BCKDHB: variants seen among roughly 807,000 people sequenced by gnomAD.
BCKDHB encodes the protein branched chain keto acid dehydrogenase E1 subunit beta.
A neutral mutation model predicts 48.5 loss-of-function variants in BCKDHB; 41 were observed. The observed-to-expected ratio is 0.85, with a 90% CI of 0.66 to 1.10. BCKDHB has a LOEUF of 1.10. Among genes scored for constraint, BCKDHB ranks in the 50% least tolerant of loss-of-function variants. BCKDHB has a pLI of 0.00. For missense variants in BCKDHB, 496 were observed against 494.2 expected (o/e 1.00, Z -0.03); for synonymous variants, 201 against 174.8 (o/e 1.15, Z -1.18).
chr6:80,203,290 T>G, intron 8 of BCKDHB, 78 bp downstream of exon 8: 1 of 1,062,906 alleles, frequency 9.4e-7, no homozygotes, highest in Non-Finnish European at 1.5e-6. Flanking sequence ...AAATAATTCT[T>G]TTGAAATTGT....
intron 8 of BCKDHB, among the ~76,000 whole-genome samples, chr6:80,222,310 T>A (rs575326614): frequency 6.6e-6 from 1 of 152,308 alleles, no homozygotes; most frequent in Admixed American, 6.5e-5. Flanking sequence ...ACATGATTAA[T>A]GTTATTGCAA....
chr6:80,429,801 C>T, the BCKDHB span, among the ~76,000 whole-genome samples: 1 of 152,288 alleles, frequency 6.6e-6, no homozygotes, highest in South Asian at 2.1e-4. Context: ...ATGATCATGT[C>T]ATCTACAAAC....
At chr6:80,370,031 T>A in the BCKDHB span, among the ~76,000 whole-genome samples, 10 of 152,184 alleles carry the variant, frequency 6.6e-5, no homozygotes, top group Admixed American at 5.9e-4. Flanking sequence ...TCAAAGCCAA[T>A]AAAGTAGTAT....
At chr6:80,204,759 C>T (rs1774561019) in intron 8 of BCKDHB, among the ~76,000 whole-genome samples, 1 of 151,978 alleles carries the variant, frequency 6.6e-6, no homozygotes, top group African/African-American at 2.4e-5. Flanking sequence ...ATTTTGGCAA[C>T]CGTGGAAGCA....
the BCKDHB span, among the ~76,000 whole-genome samples, chr6:80,423,059 C>T: frequency 6.6e-6 from 1 of 152,112 alleles, no homozygotes; most frequent in East Asian, 1.9e-4. Context: ...TTGTAATCCC[C>T]ACATGTCGAG....
At chr6:80,433,320 C>A in the BCKDHB span, among the ~76,000 whole-genome samples, 3 of 152,138 alleles carry the variant, frequency 2.0e-5, no homozygotes, top group Non-Finnish European at 2.9e-5. Flanking sequence ...TTTTTAAGTC[C>A]CCAACTGGGG....
At chr6:80,255,933 G>T (rs932092744) in intron 8 of BCKDHB, among the ~76,000 whole-genome samples, 9 of 152,128 alleles carry the variant, frequency 5.9e-5, no homozygotes, top group African/African-American at 2.2e-4. Flanking sequence ...TTGACTACTG[G>T]TTCCTGGTGG....
At position 80,262,899 on chromosome 6, in the gene BCKDHB, T is replaced by G. The variant is rs190665988; in HGVS notation, c.952-10236T>G. ...TTCTGGTATAATAGACAGAAACATG[T>G]TACTGTTATAGTCCTTGTCAATGAA... On this transcript the variant is annotated intron_variant, in intron 8 of 9. Transcript: ENST00000320393. 1.6e-3 allele frequency among the ~76,000 whole-genome samples: 246 copies of G among 152,282 alleles called. 1 individual carries two copies. The highest frequency in any genetic ancestry group is 2.9e-3 in the Non-Finnish European group (198 of 68,014).
Position 80,129,684 on chromosome 6 carries a change from AACT to A in BCKDHB, c.343+456_343+458del, listed in dbSNP as rs549234045. 1.7e-3 allele frequency among the ~76,000 whole-genome samples: 263 copies of A among 152,184 alleles called. 1 individual carries two copies. The highest frequency in any genetic ancestry group is 6.0e-3 in the African/African-American group (249 of 41,534). On this transcript the variant is annotated intron_variant, in intron 3 of 9. Coordinates refer to ENST00000320393, the MANE Select transcript of BCKDHB (RefSeq NM_183050.4). ...GGCTCATGTGAGTTTAGTTTTAAGG[AACT>A]GGCTGGCAAGTCCATAGGGCAAACT...
chr6:80,229,917 G>A (rs576990152), intron 8 of BCKDHB, among the ~76,000 whole-genome samples: 17 of 151,194 alleles, frequency 1.1e-4, no homozygotes, highest in Non-Finnish European at 1.8e-4. Context: ...TCTTAGGAAG[G>A]CTGTTAAAAT....
At chr6:80,230,572 G>T (rs886477877) in intron 8 of BCKDHB, among the ~76,000 whole-genome samples, 1 of 152,166 alleles carries the variant, frequency 6.6e-6, no homozygotes, top group Non-Finnish European at 1.5e-5. Flanking sequence ...TATATGGTCT[G>T]TCTTAATTAT....
At chr6:80,229,409 A>T (rs1404283643) in intron 8 of BCKDHB, among the ~76,000 whole-genome samples, 2 of 152,206 alleles carry the variant, frequency 1.3e-5, no homozygotes, top group Non-Finnish European at 2.9e-5. Context: ...TAGCATGTGC[A>T]AAAGGCCTGA....
At chr6:80,144,147 T>C (rs1372671312) in intron 3 of BCKDHB, among the ~76,000 whole-genome samples, 1 of 152,164 alleles carries the variant, frequency 6.6e-6, no homozygotes, top group African/African-American at 2.4e-5. Context: ...ATCTTAATTC[T>C]GTATTCAACG....
intron 9 of BCKDHB, among the ~76,000 whole-genome samples, chr6:80,309,093 C>T (rs552201245): frequency 3.3e-5 from 5 of 150,658 alleles, no homozygotes; most frequent in South Asian, 2.1e-4. Context: ...GACGGAGTCT[C>T]GCTTTTGCCA....
At chr6:80,358,197 A>G in the BCKDHB span, among the ~76,000 whole-genome samples, 3 of 151,876 alleles carry the variant, frequency 2.0e-5, no homozygotes, top group Admixed American at 6.6e-5. Flanking sequence ...ATGTTGGCCA[A>G]CTATTTCTTT....
At chr6:80,317,255 A>G (rs562045696) in intron 9 of BCKDHB, among the ~76,000 whole-genome samples, 3 of 152,250 alleles carry the variant, frequency 2.0e-5, no homozygotes, top group African/African-American at 7.2e-5. Flanking sequence ...TAAAGGGTAC[A>G]CCCCCAACTT....
At chr6:80,176,793 T>C (rs1237946791) in intron 6 of BCKDHB, among the ~76,000 whole-genome samples, 4 of 152,140 alleles carry the variant, frequency 2.6e-5, no homozygotes, top group Non-Finnish European at 5.9e-5. Context: ...CTGGAGTCAC[T>C]TCAACTTAGG....
intron 8 of BCKDHB, among the ~76,000 whole-genome samples, chr6:80,244,794 G>A (rs10806185): frequency 0.37 from 56,405 of 152,080 alleles, 12,163 homozygotes; most frequent in East Asian, 0.55. Context: ...GAAGAAAGAT[G>A]ACTGTAACAA....
At chr6:80,235,636 A>C (rs887375580) in intron 8 of BCKDHB, among the ~76,000 whole-genome samples, 2 of 152,198 alleles carry the variant, frequency 1.3e-5, no homozygotes, top group Non-Finnish European at 2.9e-5. Context: ...TTGCCACATT[A>C]ATTATGTCCA....
Sources: allele counts gnomAD v4.1 joint callset (sites outside exome capture counted in the v4.1 genomes callset), GRCh38; gene constraint gnomAD v4.1.1; transcripts MANE v1.5; gene names NCBI Gene and HGNC (gene_info 2026-07-23, HGNC 2026-07-21).